The following FRMD4B variants were observed in gnomAD, a reference collection of about 807,000 sequenced individuals.
FRMD4B encodes FERM domain containing 4B, also known as FERM domain-containing protein 4B.
A neutral mutation model predicts 141.5 loss-of-function variants in FRMD4B; 74 were observed. The observed-to-expected ratio is 0.52, with a 90% CI of 0.43 to 0.63. The LOEUF (loss-of-function observed/expected upper bound fraction) is 0.63. Among genes scored for constraint, FRMD4B ranks in the 30% least tolerant of loss-of-function variants. The pLI is 0.00. For synonymous variants in FRMD4B, 506 were observed against 467.9 expected, an observed-to-expected ratio of 1.08 and a Z score of -1.05; for missense variants, 1,366 against 1,253.4, an observed-to-expected ratio of 1.09 and a Z score of -1.36.
At chr3:69,536,694 G>C in intron 1 of FRMD4B, 1 of 703,260 alleles carries the variant, frequency 1.4e-6, no homozygotes, top group South Asian at 1.5e-5. Flanking sequence ...AGGAGGGGAG[G>C]CATCAGTAGT....
chr3:69,175,711 A>G (rs1025620162), intron 22 of FRMD4B, among the ~76,000 whole-genome samples: 1 of 152,018 alleles, frequency 6.6e-6, no homozygotes, highest in Non-Finnish European at 1.5e-5. Context: ...AATTCAATGT[A>G]CAGACTAAAG....
At chr3:69,489,291 A>C (rs903830917) in intron 1 of FRMD4B, among the ~76,000 whole-genome samples, 2 of 150,500 alleles carry the variant, frequency 1.3e-5, no homozygotes. Context: ...TACATATATA[A>C]ATGAGATATA....
intron 1 of FRMD4B, among the ~76,000 whole-genome samples, chr3:69,530,812 C>T (rs1229239270): frequency 1.3e-5 from 2 of 152,274 alleles, no homozygotes; most frequent in African/African-American, 4.8e-5. Context: ...AAACGGCAAC[C>T]GTGCAGATGT....
At chr3:69,306,149 A>T (rs78699981) in intron 3 of FRMD4B, among the ~76,000 whole-genome samples, 4,736 of 152,322 alleles carry the variant, frequency 0.031, 262 homozygotes, top group African/African-American at 0.1. Flanking sequence ...AGAATTTTTT[A>T]AAAAATGCCC....
chr3:69,256,090 T>G (rs1002193347), intron 5 of FRMD4B, among the ~76,000 whole-genome samples: 1 of 146,414 alleles, frequency 6.8e-6, no homozygotes, highest in African/African-American at 2.5e-5. Context: ...CGGTGAGACC[T>G]GTCCTTAAAA....
intron 3 of FRMD4B, among the ~76,000 whole-genome samples, chr3:69,303,576 G>T (rs892899498): frequency 3.9e-5 from 6 of 152,130 alleles, no homozygotes; most frequent in African/African-American, 1.4e-4. Context: ...AAATTTTTAT[G>T]AAATATGAAA....
At chr3:69,300,792 G>A (rs1701189279) in intron 4 of FRMD4B, among the ~76,000 whole-genome samples, 1 of 152,176 alleles carries the variant, frequency 6.6e-6, no homozygotes, top group South Asian at 2.1e-4. Flanking sequence ...ATGCTGGAGT[G>A]CAATAGTGTG....
At chr3:69,292,337 G>A (rs146306018) in intron 4 of FRMD4B, among the ~76,000 whole-genome samples, 33 of 152,288 alleles carry the variant, frequency 2.2e-4, no homozygotes, top group African/African-American at 7.7e-4. Flanking sequence ...GCACTCAGGC[G>A]GATAGCATAT....
chr3:69,233,555 C>T (rs944317829), intron 7 of FRMD4B, among the ~76,000 whole-genome samples: 2 of 151,650 alleles, frequency 1.3e-5, no homozygotes, highest in African/African-American at 4.8e-5. Context: ...AACTCAAAAT[C>T]CTTATTTCAG....
chr3:69,511,056 A>G (rs1347118235), intron 1 of FRMD4B, among the ~76,000 whole-genome samples: 2 of 152,168 alleles, frequency 1.3e-5, no homozygotes, highest in Non-Finnish European at 2.9e-5. Flanking sequence ...CATTTTTCCA[A>G]GTATGTTTAA....
At chr3:69,434,204 G>A (rs1334954913) in intron 1 of FRMD4B, among the ~76,000 whole-genome samples, 2 of 152,204 alleles carry the variant, frequency 1.3e-5, no homozygotes, top group African/African-American at 4.8e-5. Context: ...CACAGCTGCT[G>A]TCAACTTGGA....
intron 1 of FRMD4B, among the ~76,000 whole-genome samples, chr3:69,506,379 A>T (rs952254186): frequency 2.6e-5 from 4 of 152,002 alleles, no homozygotes; most frequent in African/African-American, 7.2e-5. Flanking sequence ...TGTTATGCCC[A>T]TTCTAAGGAT....
intron 1 of FRMD4B, among the ~76,000 whole-genome samples, chr3:69,455,454 C>T (rs995235910): frequency 7.9e-5 from 12 of 152,192 alleles, no homozygotes; most frequent in East Asian, 1.9e-4. Context: ...GAATGAACAA[C>T]TCCAGACATG....
chr3:69,510,959 A>G (rs949991551), intron 1 of FRMD4B, among the ~76,000 whole-genome samples: 3 of 152,238 alleles, frequency 2.0e-5, no homozygotes, highest in African/African-American at 7.2e-5. Flanking sequence ...TTTTCCTTGC[A>G]GACCAATAGA....
chr3:69,435,540 G>T (rs971498704), intron 1 of FRMD4B, among the ~76,000 whole-genome samples: 1 of 152,128 alleles, frequency 6.6e-6, no homozygotes, highest in African/African-American at 2.4e-5. Flanking sequence ...GGCTGTTAGC[G>T]AGCTACAACT....
At chr3:69,336,934 ACT>A (rs1313668845) in intron 1 of FRMD4B, among the ~76,000 whole-genome samples, 1 of 152,174 alleles carries the variant, frequency 6.6e-6, no homozygotes, top group African/African-American at 2.4e-5. Flanking sequence ...TCAGAGTGAG[ACT>A]CTGTCTCAAA....
At chr3:69,341,417 C>G (rs995093415) in intron 1 of FRMD4B, among the ~76,000 whole-genome samples, 1 of 152,184 alleles carries the variant, frequency 6.6e-6, no homozygotes, top group Non-Finnish European at 1.5e-5. Flanking sequence ...CAAGAGGGAA[C>G]CTGCCTCCTC....
At chr3:69,484,746 T>C (rs1706185476) in intron 1 of FRMD4B, among the ~76,000 whole-genome samples, 1 of 151,990 alleles carries the variant, frequency 6.6e-6, no homozygotes, top group African/African-American at 2.4e-5. Flanking sequence ...GGATAACTCC[T>C]CTCTGCAGCT....
At chr3:69,465,756 G>A (rs1403691155) in intron 1 of FRMD4B, among the ~76,000 whole-genome samples, 1 of 152,182 alleles carries the variant, frequency 6.6e-6, no homozygotes, top group Non-Finnish European at 1.5e-5. Context: ...GTTCCATGGT[G>A]TATGTGTGCC....
Sources: gnomAD v4.1 joint callset for allele counts (sites outside exome capture counted in the v4.1 genomes callset) on GRCh38, gnomAD v4.1.1 for gene constraint, MANE v1.5 for transcripts, NCBI Gene and HGNC (gene_info 2026-07-23, HGNC 2026-07-21) for gene names.